SMYD3: variants seen among roughly 807,000 people sequenced by gnomAD.
SMYD3 encodes the protein SET and MYND domain containing 3.
SMYD3 carries 36 observed loss-of-function variants against 57.7 expected under a neutral mutation model. The ratio of observed to expected loss-of-function variants is 0.62; its 90% CI spans 0.48 to 0.82. SMYD3 has a LOEUF of 0.82. SMYD3 is among the 40% of genes least tolerant of loss of function. The pLI is 0.00. For missense variants in SMYD3, 515 were observed against 538.8 expected (o/e 0.96, Z 0.44); for synonymous variants, 211 against 195.0 (o/e 1.08, Z -0.68).
chr1:246,287,320 G>A (rs1457230653), intron 5 of SMYD3, among the ~76,000 whole-genome samples: 1 of 152,148 alleles, frequency 6.6e-6, no homozygotes, highest in African/African-American at 2.4e-5. Context: ...AGGTCAATGA[G>A]CTAAAGATTT....
intron 5 of SMYD3, among the ~76,000 whole-genome samples, chr1:246,061,075 T>A (rs1362520094): frequency 1.3e-5 from 2 of 151,836 alleles, no homozygotes; most frequent in South Asian, 4.2e-4. Flanking sequence ...GTACAAAAAT[T>A]AGCCAGGCGT....
At chr1:246,271,411 T>C (rs1296260137) in intron 5 of SMYD3, among the ~76,000 whole-genome samples, 1 of 152,218 alleles carries the variant, frequency 6.6e-6, no homozygotes, top group African/African-American at 2.4e-5. Flanking sequence ...CTATGTTTTC[T>C]AGGAGTTTTA....
At chr1:245,833,390 G>A (rs7521049) in intron 10 of SMYD3, among the ~76,000 whole-genome samples, 18,827 of 152,222 alleles carry the variant, frequency 0.12, 1,295 homozygotes, top group South Asian at 0.21. Context: ...CTCTGTGGCA[G>A]TTTCTCAATC....
intron 1 of SMYD3, among the ~76,000 whole-genome samples, chr1:246,365,468 C>T (rs1454422624): frequency 1.4e-5 from 2 of 143,576 alleles, no homozygotes; most frequent in Non-Finnish European, 3.0e-5. Flanking sequence ...GCACTCCAGC[C>T]TGAGCAACAG....
At chr1:245,930,506 G>C in intron 5 of SMYD3, 1 of 265,858 alleles carries the variant, frequency 3.8e-6, no homozygotes, top group South Asian at 4.4e-5. Flanking sequence ...CCATCACTGG[G>C]TACATGACAC....
rs767206544 is a variant in SMYD3 at position 245,858,536 on chromosome 1, C to A, written c.1036G>T (p.Glu346Ter). ...DACINLGLLE[E>*]ALFYGTRTME... is the part of the protein sequence containing the mutation. Reference sequence around the variant, plus strand: ...GTCCGAGTACCATAGAACAAGGCTTCCTCCAACAGGCCGAGGTTGATGCAG... The same window carrying A: ...GTCCGAGTACCATAGAACAAGGCTTACTCCAACAGGCCGAGGTTGATGCAG... The change falls in exon 10 of 12, where the codon GAA (glutamate) becomes TAA (stop). Residue 346 changes from glutamate to a stop codon, truncating the protein, a stop_gained. Coordinates refer to ENST00000490107, the MANE Select transcript of SMYD3 (RefSeq NM_001167740.2). LOFTEE classifies it high-confidence loss of function. 3.7e-6 allele frequency: 6 copies of A among 1,614,208 alleles called. No homozygotes were observed. The highest frequency in any genetic ancestry group is 4.2e-6 in the Non-Finnish European group (5 of 1,180,044).
chr1:245,775,726 A>T (rs28503252), intron 10 of SMYD3, among the ~76,000 whole-genome samples: 5 of 88,938 alleles, frequency 5.6e-5, no homozygotes, highest in African/African-American at 2.1e-4. Flanking sequence ...AAAAAAAAAA[A>T]AAAATAAAAA....
intron 1 of SMYD3, among the ~76,000 whole-genome samples, chr1:246,505,353 G>A (rs184514706): frequency 6.6e-6 from 1 of 152,184 alleles, no homozygotes; most frequent in Non-Finnish European, 1.5e-5. Flanking sequence ...ACTCACTGAG[G>A]ACTTTGAATA....
chr1:246,370,406 G>C (rs10924708), intron 1 of SMYD3, among the ~76,000 whole-genome samples: 36,665 of 152,148 alleles, frequency 0.24, 4,819 homozygotes, highest in East Asian at 0.51. Flanking sequence ...GTGAGTGGCA[G>C]AGAATGGTAG....
At chr1:246,435,318 T>C (rs1318437485) in intron 1 of SMYD3, among the ~76,000 whole-genome samples, 1 of 151,854 alleles carries the variant, frequency 6.6e-6, no homozygotes, top group Non-Finnish European at 1.5e-5. Flanking sequence ...AAAATAAAAG[T>C]TGAAATTATT....
At chr1:246,475,145 C>T (rs2068011898) in intron 1 of SMYD3, among the ~76,000 whole-genome samples, 1 of 151,722 alleles carries the variant, frequency 6.6e-6, no homozygotes, top group Admixed American at 6.6e-5. Flanking sequence ...GGCAAAACCC[C>T]ATCCCTATCA....
rs181567256 is a variant in SMYD3 at position 245,800,900 on chromosome 1, G to A, written c.1077-36751C>T. Among the ~76,000 whole-genome samples, 616 of 152,156 alleles carry A rather than the reference G, an allele frequency of 4.0e-3. 3 individuals carry two copies. The highest frequency in any genetic ancestry group is 0.014 in the African/African-American group (592 of 41,504). On this transcript the variant is annotated intron_variant, in intron 10 of 11. Transcript: ENST00000490107. ...ACAAAGAAACAGAAACTAATAGCAGGGCATACTCATGGTTAGTTGGACATA... is the reference window on the plus strand; with the variant it reads ...ACAAAGAAACAGAAACTAATAGCAGAGCATACTCATGGTTAGTTGGACATA...
At chr1:246,301,005 A>G (rs2064884240) in intron 5 of SMYD3, among the ~76,000 whole-genome samples, 1 of 152,096 alleles carries the variant, frequency 6.6e-6, no homozygotes, top group Non-Finnish European at 1.5e-5. Context: ...TACCCGTCCT[A>G]AGGGTAGTTC....
chr1:246,242,801 C>T (rs1474256765), intron 5 of SMYD3, among the ~76,000 whole-genome samples: 1 of 96,864 alleles, frequency 1.0e-5, no homozygotes, highest in Non-Finnish European at 2.1e-5. Context: ...GGTTGCAATC[C>T]TAGTCTCTGA....
chr1:246,343,737 C>G (rs767995098), intron 2 of SMYD3, among the ~76,000 whole-genome samples: 88 of 152,326 alleles, frequency 5.8e-4, no homozygotes, highest in Non-Finnish European at 8.5e-4. Flanking sequence ...AAGATTATCT[C>G]TGATCCAGAT....
chr1:246,116,858 C>CA (rs2061349678), intron 5 of SMYD3, among the ~76,000 whole-genome samples: 2 of 152,152 alleles, frequency 1.3e-5, no homozygotes, highest in South Asian at 4.2e-4. Flanking sequence ...AAAATTTTCA[C>CA]AGGCAATACT....
At chr1:246,093,367 G>A (rs921722969) in intron 5 of SMYD3, among the ~76,000 whole-genome samples, 2 of 152,146 alleles carry the variant, frequency 1.3e-5, no homozygotes, top group Non-Finnish European at 2.9e-5. Context: ...TAACCAACCT[G>A]TGCCCATCAA....
At chr1:246,368,712 G>A (rs567670885) in intron 1 of SMYD3, among the ~76,000 whole-genome samples, 26 of 152,248 alleles carry the variant, frequency 1.7e-4, no homozygotes, top group Middle Eastern at 3.4e-3. Flanking sequence ...AACCTGGGTG[G>A]GCACCATCTA....
chr1:246,391,866 C>T (rs1381084378), intron 1 of SMYD3, among the ~76,000 whole-genome samples: 1 of 152,156 alleles, frequency 6.6e-6, no homozygotes, highest in Non-Finnish European at 1.5e-5. Context: ...ATGGCAGCAT[C>T]CTATAAATCT....
Sources: allele counts gnomAD v4.1 joint callset (sites outside exome capture counted in the v4.1 genomes callset), GRCh38; gene constraint gnomAD v4.1.1; transcripts MANE v1.5; gene names NCBI Gene and HGNC (gene_info 2026-07-23, HGNC 2026-07-21).